The following IL19 variants were observed in gnomAD, a reference collection of about 807,000 sequenced individuals.
The protein encoded by IL19 is interleukin 19, also known as interleukin-19.
In IL19, 15 loss-of-function variants were observed where a neutral mutation model predicts 19.5. The ratio of observed to expected loss-of-function variants is 0.77; its 90% CI spans 0.52 to 1.19. The LOEUF is 1.19. Ranked by LOEUF, IL19 falls within the 50% of genes most tolerant of loss-of-function variation. IL19 has a pLI of 0.00. For synonymous variants in IL19, 78 were observed against 78.3 expected (o/e 1.00, Z 0.02); for missense variants, 199 against 213.1 (o/e 0.93, Z 0.41).
chr1:206,825,655 G>A (rs1676420700), intron 2 of IL19, among the ~76,000 whole-genome samples: 1 of 152,204 alleles, frequency 6.6e-6, no homozygotes, highest in African/African-American at 2.4e-5. Context: ...TCACTGAAGG[G>A]GCACAGAAGA....
chr1:206,809,974 G>A (rs1255712615), intron 2 of IL19, among the ~76,000 whole-genome samples: 1 of 152,168 alleles, frequency 6.6e-6, no homozygotes, highest in Non-Finnish European at 1.5e-5. Context: ...TCAAGGGAAT[G>A]AATTCTCCTT....
Position 206,798,951 on chromosome 1 carries a change from T to G in IL19, c.-58T>G, listed in dbSNP as rs1457510267. The stretch of plus-strand genomic sequence containing the variant: ...CTGCGTGTTCCTTACCACTCACACA[T>G]GTGCACACACATATCCATGTGTGTG... On this transcript the variant is annotated 5_prime_UTR_variant, in exon 2 of 7. An upstream start codon of the reference 5' UTR is lost. Coordinates refer to ENST00000659997, the MANE Select transcript of IL19 (RefSeq NM_153758.5). The G allele has an allele frequency of 6.2e-7, 1 of 1,614,030 alleles. No homozygotes were observed. Among genetic ancestry groups the G allele is most frequent in the South Asian group, 1.1e-5 (1 of 91,056 alleles).
At chr1:206,784,529 C>T (rs947434221) in intron 1 of IL19, among the ~76,000 whole-genome samples, 2 of 152,194 alleles carry the variant, frequency 1.3e-5, no homozygotes, top group Non-Finnish European at 2.9e-5. Context: ...ATTTCCTTCT[C>T]GCAATCCTGG....
chr1:206,771,172 A>C (rs1281648841), intron 1 of IL19, 94 bp downstream of exon 1: 4 of 1,308,616 alleles, frequency 3.1e-6, no homozygotes, highest in Non-Finnish European at 4.4e-6. Flanking sequence ...CTTCACCAGA[A>C]GCCTCCCCGA....
Position 206,836,964 on chromosome 1 carries a change from A to G in IL19, c.151A>G (p.Lys51Glu). 6.2e-7 allele frequency: 1 copy of G among 1,613,774 alleles called. No individual in the cohort carries two copies. The highest frequency in any genetic ancestry group is 8.5e-7 in the Non-Finnish European group (1 of 1,179,638). ...FQEIKRAIQA[K>E]DTFPNVTILS... is the part of the protein sequence containing the mutation. ...CTTATGTTTCCCTCCACAGCAAGCT[A>G]AGGACACCTTCCCAAATGTCACTAT... Residue 51 changes from lysine to glutamate, a missense_variant, in exon 4 of 7, where the codon AAG becomes GAG. Coordinates refer to ENST00000659997, the MANE Select transcript of IL19 (RefSeq NM_153758.5).
chr1:206,808,980 G>C (rs960850284), intron 2 of IL19, among the ~76,000 whole-genome samples: 1 of 152,138 alleles, frequency 6.6e-6, no homozygotes, highest in African/African-American at 2.4e-5. Flanking sequence ...GAAGGTTCTG[G>C]AAACAAACTT....
chr1:206,833,620 A>C, intron 2 of IL19: 3 of 973,028 alleles, frequency 3.1e-6, no homozygotes, highest in African/African-American at 3.5e-5. Context: ...TTTATGTAAA[A>C]AGGTAATTTA....
Position 206,842,646 on chromosome 1 carries a change from C to A in IL19, c.*24C>A, listed in dbSNP as rs764202554. The A allele has an allele frequency of 7.2e-7, 1 of 1,389,640 alleles. No individual in the cohort carries two copies. The highest frequency in any genetic ancestry group is 1.0e-6 in the Non-Finnish European group (1 of 997,972). The allele number at this position is 1,389,640 out of a possible 1,614,324, so 86.1% of individuals were successfully genotyped here. On this transcript the variant is annotated 3_prime_UTR_variant, in exon 7 of 7. Transcript: ENST00000659997. The stretch of plus-strand genomic sequence containing the variant: ...GATGACAAGGAACCTGTATAGTGAT[C>A]CAGGGATGAACACCCCCTGTGCGGT...
At chr1:206,825,048 G>A (rs748234298) in intron 2 of IL19, among the ~76,000 whole-genome samples, 13 of 152,162 alleles carry the variant, frequency 8.5e-5, no homozygotes, top group South Asian at 2.1e-4. Context: ...GAGCCACTGC[G>A]CCAGGCCCCC....
intron 2 of IL19, among the ~76,000 whole-genome samples, chr1:206,803,305 G>T (rs182205535): frequency 1.3e-5 from 2 of 152,268 alleles, no homozygotes; most frequent in Admixed American, 1.3e-4. Context: ...CTAATCAGAG[G>T]CATTGACCTG....
At chr1:206,789,755 G>GTATGTTGTTCCCCTC (rs1675349990) in intron 1 of IL19, among the ~76,000 whole-genome samples, 1 of 152,096 alleles carries the variant, frequency 6.6e-6, no homozygotes, top group African/African-American at 2.4e-5. Flanking sequence ...TAGGCCCAGT[G>GTATGTTGTTCCCCTC]TATGTTGTTC....
intron 1 of IL19, among the ~76,000 whole-genome samples, chr1:206,773,201 C>T (rs956674190): frequency 6.6e-6 from 1 of 152,170 alleles, no homozygotes; most frequent in Non-Finnish European, 1.5e-5. Context: ...TCTGCACTTG[C>T]TGAAAGCTTC....
chr1:206,795,927 ATGTGTGTGTG>A (rs71570039), intron 1 of IL19, among the ~76,000 whole-genome samples: 5 of 133,530 alleles, frequency 3.7e-5, no homozygotes, highest in South Asian at 2.4e-4. Context: ...AAATATATAT[ATGTGTGTGTG>A]TGTGTGTGTG....
chr1:206,777,406 CAAAAAAAAAA>C (rs761553258), intron 1 of IL19, among the ~76,000 whole-genome samples: 1 of 54,040 alleles, frequency 1.9e-5, no homozygotes, highest in Non-Finnish European at 3.9e-5. Context: ...GACTCCGTCT[CAAAAAAAAAA>C]AAAAAAAAAG....
At chr1:206,811,910 C>G (rs1558615087) in intron 2 of IL19, among the ~76,000 whole-genome samples, 1 of 152,324 alleles carries the variant, frequency 6.6e-6, no homozygotes, top group East Asian at 1.9e-4. Context: ...AATCTTCTGG[C>G]AGCTGTGACT....
intron 2 of IL19, among the ~76,000 whole-genome samples, chr1:206,822,001 T>C (rs1224946002): frequency 1.3e-4 from 20 of 152,172 alleles, no homozygotes; most frequent in Admixed American, 1.2e-3. Context: ...AGTTCTCTCG[T>C]CATGTCCGTG....
At chr1:206,792,135 A>G (rs935014195) in intron 1 of IL19, among the ~76,000 whole-genome samples, 1 of 152,194 alleles carries the variant, frequency 6.6e-6, no homozygotes, top group African/African-American at 2.4e-5. Flanking sequence ...TCTTGGTTCC[A>G]AGATTCTGAG....
At chr1:206,774,668 C>T (rs1036484409) in intron 1 of IL19, among the ~76,000 whole-genome samples, 4 of 152,190 alleles carry the variant, frequency 2.6e-5, no homozygotes, top group East Asian at 1.9e-4. Flanking sequence ...CATGTACACA[C>T]CATGCCCTGC....
chr1:206,831,331 A>T (rs1402387370), intron 2 of IL19, among the ~76,000 whole-genome samples: 1 of 152,192 alleles, frequency 6.6e-6, no homozygotes, highest in Admixed American at 6.5e-5. Context: ...ACAAGTGGAA[A>T]ATTGAGCTCT....
Sources: gnomAD v4.1 joint callset for allele counts (sites outside exome capture counted in the v4.1 genomes callset) on GRCh38, gnomAD v4.1.1 for gene constraint, MANE v1.5 for transcripts, NCBI Gene and HGNC (gene_info 2026-07-23, HGNC 2026-07-21) for gene names.